Variants in NMBR observed in about 807,000 individuals in gnomAD.
NMBR encodes the protein neuromedin B receptor.
A neutral mutation model predicts 20.5 loss-of-function variants in NMBR; 16 were observed. The ratio of observed to expected loss-of-function variants is 0.78; its 90% confidence interval spans 0.53 to 1.19. NMBR has a LOEUF of 1.19. Ranked by LOEUF, NMBR falls within the 50% of genes most tolerant of loss-of-function variation. The pLI is 0.00. For synonymous variants in NMBR, 212 were observed against 196.6 expected (o/e 1.08, Z -0.65); for missense variants, 582 against 499.1 (o/e 1.17, Z -1.58).
chr6:142,102,308 T>C lies in NMBR; in HGVS notation c.-663-12987A>G, dbSNP rs907842237. ...AGGAGACTGAGGCAGGAGAATGGCA[T>C]GAACCCGGAAGGTGGAGCTTGCAAG... On this transcript the variant is annotated intron_variant, in intron 1 of 3. Coordinates refer to ENST00000258042, the MANE Select transcript of NMBR (RefSeq NM_002511.4). Among the ~76,000 whole-genome samples, 8 of 149,512 alleles carry C rather than the reference T, an allele frequency of 5.4e-5. No individual in the cohort carries two copies. In the East Asian group the frequency reaches 1.6e-3, roughly 30 times the overall value.
rs1777520129 is a variant in NMBR at position 142,099,508 on chromosome 6, AAAC to A, written c.-663-10190_-663-10188del. 2.0e-5 allele frequency among the ~76,000 whole-genome samples: 3 copies of A among 152,098 alleles called. No individual in the cohort carries two copies. In the South Asian group the frequency reaches 6.2e-4, roughly 32 times the overall value. On this transcript the variant is annotated intron_variant, in intron 1 of 3. Transcript: ENST00000258042. ...TTTGAGAGCTCACTCACTATCATGA[AAAC>A]AACAAGGGGGAAGTATCCCCCTTGA...
chr6:142,099,113 G>A (rs1393579653), intron 1 of NMBR, among the ~76,000 whole-genome samples: 3 of 152,106 alleles, frequency 2.0e-5, no homozygotes, highest in African/African-American at 4.8e-5. Flanking sequence ...TCATGCGAAA[G>A]AAATGAACCT....
chr6:142,090,307 A>T (rs1288559108), intron 1 of NMBR, among the ~76,000 whole-genome samples: 4 of 152,130 alleles, frequency 2.6e-5, no homozygotes, highest in African/African-American at 7.2e-5. Context: ...ACCTATGATG[A>T]TCTAGCCATA....
At chr6:142,076,432 T>TA (rs983712433) in intron 3 of NMBR, among the ~76,000 whole-genome samples, 3 of 152,130 alleles carry the variant, frequency 2.0e-5, no homozygotes, top group Non-Finnish European at 4.4e-5. Context: ...TTAGGTGTTT[T>TA]AAAAAAATCA....
chr6:142,113,989 T>A (rs1717123629), intron 1 of NMBR, among the ~76,000 whole-genome samples: 1 of 152,124 alleles, frequency 6.6e-6, no homozygotes. Context: ...CAATTCCCCC[T>A]ACGTGGCATC....
intron 1 of NMBR, among the ~76,000 whole-genome samples, chr6:142,094,902 C>T (rs1777413677): frequency 6.6e-6 from 1 of 152,126 alleles, no homozygotes; most frequent in African/African-American, 2.4e-5. Context: ...GTATTTTATT[C>T]TCTTTGAAGC....
At chr6:142,076,417 C>T (rs1776950330) in intron 3 of NMBR, among the ~76,000 whole-genome samples, 1 of 151,946 alleles carries the variant, frequency 6.6e-6, no homozygotes, top group Non-Finnish European at 1.5e-5. Flanking sequence ...AGAATATATT[C>T]AAGCTTAGGT....
chr6:142,107,585 T>G (rs923481357), intron 1 of NMBR, among the ~76,000 whole-genome samples: 2 of 152,202 alleles, frequency 1.3e-5, no homozygotes, highest in Non-Finnish European at 2.9e-5. Flanking sequence ...TGGTACACCT[T>G]GTTACTAAAA....
At chr6:142,079,970 A>G (rs1345125692) in intron 2 of NMBR, among the ~76,000 whole-genome samples, 2 of 152,220 alleles carry the variant, frequency 1.3e-5, no homozygotes, top group African/African-American at 4.8e-5. Flanking sequence ...TCAAAATGGT[A>G]TGTAAACCTC....
chr6:142,114,286 C>T (rs1453683734), intron 1 of NMBR, among the ~76,000 whole-genome samples: 3 of 152,092 alleles, frequency 2.0e-5, no homozygotes, highest in Non-Finnish European at 1.5e-5. Context: ...GTGAGATAAT[C>T]ATCTCTATCA....
intron 2 of NMBR, among the ~76,000 whole-genome samples, chr6:142,079,519 G>C (rs962417186): frequency 6.6e-5 from 10 of 151,834 alleles, no homozygotes; most frequent in Non-Finnish European, 1.5e-4. Flanking sequence ...ATAATGTATT[G>C]AATACCAAAT....
intron 1 of NMBR, among the ~76,000 whole-genome samples, chr6:142,138,284 T>G (rs538459362): frequency 6.6e-6 from 1 of 152,286 alleles, no homozygotes; most frequent in African/African-American, 2.4e-5. Context: ...GCAGCCTGTG[T>G]TTGATATCAT....
intron 1 of NMBR, among the ~76,000 whole-genome samples, chr6:142,093,157 T>C (rs1398643234): frequency 6.6e-6 from 1 of 152,092 alleles, no homozygotes; most frequent in Non-Finnish European, 1.5e-5. Flanking sequence ...TTTTTTTCTT[T>C]TTTTTTAATT....
chr6:142,075,600 T>C lies in NMBR; in HGVS notation c.*48A>G. The stretch of plus-strand genomic sequence containing the variant: ...AAGTTCTGATCTGCCGAATAGGAAT[T>C]TTAACAGTTACTAAGTTCTCTCCAG... On this transcript the variant is annotated 3_prime_UTR_variant, in exon 4 of 4. Transcript: ENST00000258042. 1 of 1,516,582 alleles carries C rather than the reference T, an allele frequency of 6.6e-7. No individual in the cohort carries two copies. Among genetic ancestry groups the C allele is most frequent in the Non-Finnish European group, 8.9e-7 (1 of 1,127,800 alleles). 93.9% of individuals were successfully genotyped at this position (1,516,582 alleles called of 1,614,324 possible).
chr6:142,079,556 T>C (rs552833483), intron 2 of NMBR, among the ~76,000 whole-genome samples: 1 of 152,302 alleles, frequency 6.6e-6, no homozygotes, highest in African/African-American at 2.4e-5. Flanking sequence ...ATAATATTAT[T>C]CAATTCTTCC....
chr6:142,097,340 C>G (rs1039988579), intron 1 of NMBR, among the ~76,000 whole-genome samples: 3 of 152,082 alleles, frequency 2.0e-5, no homozygotes, highest in Non-Finnish European at 2.9e-5. Context: ...TTAGTGCTTC[C>G]TTCAGGAGAT....
At chr6:142,121,642 C>G (rs1777945224) in intron 1 of NMBR, among the ~76,000 whole-genome samples, 1 of 151,580 alleles carries the variant, frequency 6.6e-6, no homozygotes, top group African/African-American at 2.4e-5. Flanking sequence ...CTGTTTTCTC[C>G]CTAGTCTCAA....
intron 1 of NMBR, among the ~76,000 whole-genome samples, chr6:142,126,051 C>T (rs1194737388): frequency 6.6e-6 from 1 of 151,810 alleles, no homozygotes; most frequent in African/African-American, 2.4e-5. Flanking sequence ...TCCCATTTCC[C>T]ACTCCCCACT....
At chr6:142,145,302 A>G (rs975579708) in intron 1 of NMBR, among the ~76,000 whole-genome samples, 4 of 152,192 alleles carry the variant, frequency 2.6e-5, no homozygotes, top group Non-Finnish European at 5.9e-5. Flanking sequence ...TTTCTCAGAC[A>G]TAAGATGATG....
Sources: gnomAD v4.1 joint callset for allele counts (sites outside exome capture counted in the v4.1 genomes callset) on GRCh38, gnomAD v4.1.1 for gene constraint, MANE v1.5 for transcripts, NCBI Gene and HGNC (gene_info 2026-07-23, HGNC 2026-07-21) for gene names.